The following AKAP6 variants were observed in gnomAD, a reference collection of about 807,000 sequenced individuals.
AKAP6 encodes the protein A-kinase anchoring protein 6, also known as A-kinase anchor protein 6.
AKAP6 carries 58 observed loss-of-function variants against 188.5 expected under a neutral mutation model. That is an observed-to-expected ratio of 0.31 (90% CI 0.25 to 0.38). The LOEUF (loss-of-function observed/expected upper bound fraction) is 0.38. Among genes scored for constraint, AKAP6 ranks in the 10% least tolerant of loss-of-function variants. AKAP6 has a pLI of 1.00. For synonymous variants in AKAP6, 989 were observed against 998.6 expected (o/e 0.99, Z 0.18); for missense variants, 2,710 against 2,740.0 (o/e 0.99, Z 0.24).
chr14:32,703,208 G>A (rs1253142189), intron 9 of AKAP6, among the ~76,000 whole-genome samples: 3 of 152,126 alleles, frequency 2.0e-5, no homozygotes, highest in African/African-American at 4.8e-5. Context: ...TGGATGGAGA[G>A]TGGAGAGTGA....
At chr14:32,776,365 C>G (rs1357687524) in intron 12 of AKAP6, among the ~76,000 whole-genome samples, 1 of 152,166 alleles carries the variant, frequency 6.6e-6, no homozygotes, top group African/African-American at 2.4e-5. Flanking sequence ...GGGGAAACCC[C>G]TTTCACTTGG....
chr14:32,497,748 T>C (rs1880400447), intron 2 of AKAP6, among the ~76,000 whole-genome samples: 1 of 151,998 alleles, frequency 6.6e-6, no homozygotes, highest in Admixed American at 6.6e-5. Context: ...AAATCTCCAA[T>C]TAAAATTGTG....
chr14:32,336,460 G>A (rs1594514454), intron 1 of AKAP6, among the ~76,000 whole-genome samples: 1 of 152,230 alleles, frequency 6.6e-6, no homozygotes, highest in East Asian at 1.9e-4. Context: ...TGTCTACCAT[G>A]TACAATATCA....
intron 2 of AKAP6, among the ~76,000 whole-genome samples, chr14:32,531,252 T>C (rs769433085): frequency 9.9e-5 from 15 of 152,232 alleles, no homozygotes; most frequent in Non-Finnish European, 2.1e-4. Context: ...TGTTAACCAT[T>C]GTCATTTGTG....
At chr14:32,402,589 C>G (rs1889132242) in intron 1 of AKAP6, among the ~76,000 whole-genome samples, 1 of 152,144 alleles carries the variant, frequency 6.6e-6, no homozygotes, top group African/African-American at 2.4e-5. Context: ...TGTCCCTACT[C>G]TTGTCTTATT....
chr14:32,377,527 G>C (rs898032863), intron 1 of AKAP6, among the ~76,000 whole-genome samples: 2 of 152,156 alleles, frequency 1.3e-5, no homozygotes, highest in African/African-American at 2.4e-5. Context: ...GAGAGAGAGA[G>C]AGAAGCCAGG....
chr14:32,350,754 TAAATGAATAA>T (rs1418455008), intron 1 of AKAP6, among the ~76,000 whole-genome samples: 1 of 151,974 alleles, frequency 6.6e-6, no homozygotes, highest in African/African-American at 2.4e-5. Flanking sequence ...AAAAATGTAT[TAAATGAATAA>T]GTAAATAAAT....
At chr14:32,702,318 AG>A (rs1330403425) in intron 9 of AKAP6, among the ~76,000 whole-genome samples, 2 of 152,164 alleles carry the variant, frequency 1.3e-5, no homozygotes, top group Non-Finnish European at 2.9e-5. Context: ...TTTTTATTAA[AG>A]TTTGAAAAGT....
chr14:32,757,965 C>G (rs538469005), intron 11 of AKAP6, among the ~76,000 whole-genome samples: 20 of 152,114 alleles, frequency 1.3e-4, no homozygotes, highest in Non-Finnish European at 2.2e-4. Flanking sequence ...GGAAGAAATT[C>G]CTGTGTTGTT....
intron 2 of AKAP6, among the ~76,000 whole-genome samples, chr14:32,478,544 C>T (rs991737195): frequency 2.6e-5 from 4 of 151,828 alleles, no homozygotes; most frequent in Admixed American, 1.3e-4. Flanking sequence ...GAGACCTCTA[C>T]CATAAAAAAA....
intron 9 of AKAP6, among the ~76,000 whole-genome samples, chr14:32,730,332 G>A (rs547404365): frequency 2.2e-3 from 335 of 152,188 alleles, no homozygotes; most frequent in African/African-American, 7.6e-3. Flanking sequence ...AAGACTGAGA[G>A]CACACATAAA....
intron 1 of AKAP6, among the ~76,000 whole-genome samples, chr14:32,346,412 T>G (rs1011495303): frequency 6.6e-6 from 1 of 152,212 alleles, no homozygotes; most frequent in Non-Finnish European, 1.5e-5. Context: ...AGACAGTATG[T>G]TTGTATTGCA....
intron 2 of AKAP6, among the ~76,000 whole-genome samples, chr14:32,510,397 T>C (rs1286759325): frequency 1.0e-5 from 1 of 99,768 alleles, no homozygotes; most frequent in African/African-American, 4.1e-5. Flanking sequence ...TATATGTGTA[T>C]ATATATGTAT....
chr14:32,619,964 T>C (rs1323509661), intron 7 of AKAP6, among the ~76,000 whole-genome samples: 8 of 152,172 alleles, frequency 5.3e-5, no homozygotes. Context: ...GATTGAGTTC[T>C]TGATTTGATT....
chr14:32,551,820 C>T (rs1461788605), intron 4 of AKAP6, among the ~76,000 whole-genome samples: 2 of 142,902 alleles, frequency 1.4e-5, no homozygotes, highest in African/African-American at 5.9e-5. Flanking sequence ...CCACCACACC[C>T]GGCTAATTTT....
intron 11 of AKAP6, among the ~76,000 whole-genome samples, chr14:32,769,735 G>A (rs983281264): frequency 1.3e-5 from 2 of 151,626 alleles, no homozygotes; most frequent in Non-Finnish European, 2.9e-5. Flanking sequence ...CTTAGTTTTG[G>A]TGTTTTTAAA....
intron 1 of AKAP6, among the ~76,000 whole-genome samples, chr14:32,393,727 G>A (rs1271224613): frequency 6.6e-6 from 1 of 151,902 alleles, no homozygotes; most frequent in African/African-American, 2.4e-5. Context: ...GAGATTTAAG[G>A]GCAAATACAG....
intron 9 of AKAP6, among the ~76,000 whole-genome samples, chr14:32,728,411 C>G (rs1007302158): frequency 1.3e-5 from 2 of 151,596 alleles, no homozygotes; most frequent in Non-Finnish European, 2.9e-5. Context: ...ATCTATCAGT[C>G]AATCATGCAT....
At chr14:32,503,794 T>C (rs940854015) in intron 2 of AKAP6, among the ~76,000 whole-genome samples, 1 of 152,044 alleles carries the variant, frequency 6.6e-6, no homozygotes, top group East Asian at 1.9e-4. Flanking sequence ...CAATATATTT[T>C]AATATTTGCT....
Sources: allele counts gnomAD v4.1 joint callset (sites outside exome capture counted in the v4.1 genomes callset), GRCh38; gene constraint gnomAD v4.1.1; transcripts MANE v1.5; gene names NCBI Gene and HGNC (gene_info 2026-07-23, HGNC 2026-07-21).